EPHA7: variants seen among roughly 807,000 people sequenced by gnomAD.
EPHA7 encodes the protein ephrin type-A receptor 7.
A neutral mutation model predicts 112.6 loss-of-function variants in EPHA7; 25 were observed. The observed-to-expected ratio is 0.22, with a 90% confidence interval of 0.16 to 0.31. The LOEUF (loss-of-function observed/expected upper bound fraction) is 0.31. Among genes scored for constraint, EPHA7 ranks in the 10% least tolerant of loss-of-function variants. The probability of loss-of-function intolerance (pLI) is 1.00; values close to 1 mark genes in which losing one functional copy is unlikely to be tolerated. For missense variants in EPHA7, 962 were observed against 1,212.6 expected (o/e 0.79, Z 3.07); for synonymous variants, 437 against 406.5 (o/e 1.07, Z -0.90).
chr6:93,400,298 T>C (rs1778377143), intron 3 of EPHA7, among the ~76,000 whole-genome samples: 1 of 152,108 alleles, frequency 6.6e-6, no homozygotes, highest in Non-Finnish European at 1.5e-5. Context: ...CAAATAATGA[T>C]AGTAAACTAC....
intron 5 of EPHA7, among the ~76,000 whole-genome samples, chr6:93,308,431 G>T (rs1440749921): frequency 6.6e-6 from 1 of 151,910 alleles, no homozygotes; most frequent in Non-Finnish European, 1.5e-5. Context: ...AAAGCCATTA[G>T]GAATGATATC....
intron 5 of EPHA7, among the ~76,000 whole-genome samples, chr6:93,286,085 T>A: frequency 6.6e-6 from 1 of 152,198 alleles, no homozygotes; most frequent in East Asian, 1.9e-4. Flanking sequence ...AGTTACAGTC[T>A]GTTTGGCTTC....
intron 3 of EPHA7, among the ~76,000 whole-genome samples, chr6:93,378,407 G>A (rs1777166380): frequency 1.3e-5 from 2 of 152,156 alleles, no homozygotes; most frequent in African/African-American, 4.8e-5. Flanking sequence ...TAACGGGAGG[G>A]CTTCGGTGGT....
rs543974854 is a variant in EPHA7, at chr6:93,311,452, A to C, written c.1325-39030T>G. ...CTCAAGAAACCACTTTCTTTGCCCA[A>C]CCATAAGAAGCAGCTCCTCATCCAT... On this transcript the variant is annotated intron_variant, in intron 5 of 16. Coordinates refer to ENST00000369303, the MANE Select transcript of EPHA7 (RefSeq NM_004440.4). Among the ~76,000 whole-genome samples the C allele has an allele frequency of 5.9e-5, 9 of 152,216 alleles. No homozygotes were observed. In the South Asian group the frequency reaches 1.9e-3, roughly 32 times the overall value.
At chr6:93,354,928 A>T (rs1775868804) in intron 5 of EPHA7, among the ~76,000 whole-genome samples, 1 of 152,170 alleles carries the variant, frequency 6.6e-6, no homozygotes, top group Non-Finnish European at 1.5e-5. Context: ...TATTAGCAGG[A>T]ATAAAAGAAT....
At chr6:93,419,141 C>A in intron 1 of EPHA7, 104 bp downstream of exon 1, 1 of 921,558 alleles carries the variant, frequency 1.1e-6, no homozygotes. Flanking sequence ...GGAGGGTCGC[C>A]CGGCGCCGGA....
chr6:93,311,114 A>ATTTTTTTTTTTTTTTTTT lies in EPHA7; in HGVS notation c.1325-38710_1325-38693dup, dbSNP rs71542009. On this transcript the variant is annotated intron_variant, in intron 5 of 16. Transcript: ENST00000369303. ...ACAGGCATGTGCATCATGCCCAGCTATTTTTTTTTTTTTTTTTTTTTTTTT... is the reference window on the plus strand; with the variant it reads ...ACAGGCATGTGCATCATGCCCAGCTATTTTTTTTTTTTTTTTTTTTTTTTTTTTTTTTTTTTTTTTTTT... 5.9e-3 allele frequency among the ~76,000 whole-genome samples: 465 copies of ATTTTTTTTTTTTTTTTTT among 78,494 alleles called. 58 individuals carry two copies. The highest frequency in any genetic ancestry group is 0.012 in the African/African-American group (208 of 17,012). 51.5% of individuals were successfully genotyped at this position (78,494 alleles called of 152,430 possible).
chr6:93,257,935 A>C (rs1770511882), intron 11 of EPHA7, among the ~76,000 whole-genome samples, 164 bp downstream of exon 11: 1 of 151,836 alleles, frequency 6.6e-6, no homozygotes, highest in African/African-American at 2.4e-5. Flanking sequence ...TTTTCCCTTG[A>C]GGTGATAACA....
intron 5 of EPHA7, among the ~76,000 whole-genome samples, chr6:93,285,700 T>G (rs993599377): frequency 6.6e-6 from 1 of 152,174 alleles, no homozygotes; most frequent in African/African-American, 2.4e-5. Flanking sequence ...GACAGAAACT[T>G]TTGCTTGTTG....
intron 1 of EPHA7, among the ~76,000 whole-genome samples, chr6:93,416,947 T>C (rs1779264922): frequency 6.6e-6 from 1 of 152,266 alleles, no homozygotes; most frequent in African/African-American, 2.4e-5. Context: ...ATTACGCCTC[T>C]GCCAGACCTG....
chr6:93,391,526 G>A (rs1004102759), intron 3 of EPHA7, among the ~76,000 whole-genome samples: 3 of 151,968 alleles, frequency 2.0e-5, no homozygotes, highest in Non-Finnish European at 2.9e-5. Flanking sequence ...CCAAGGCAAG[G>A]AGCCTGAACA....
Position 93,258,079 on chromosome 6 carries a change from A to T in EPHA7, c.2110+20T>A. 6.3e-7 allele frequency: 1 copy of T among 1,593,398 alleles called. No individual in the cohort carries two copies. The highest frequency in any genetic ancestry group is 8.6e-7 in the Non-Finnish European group (1 of 1,166,076). ...GACACTCAGTCTTTTTGATAAAATA[A>T]AGATATAACCAATATCTACCTCTTG... On this transcript the variant is annotated intron_variant, in intron 11 of 16. Coordinates refer to ENST00000369303, the MANE Select transcript of EPHA7 (RefSeq NM_004440.4).
intron 5 of EPHA7, among the ~76,000 whole-genome samples, chr6:93,306,550 A>C (rs879107376): frequency 1.3e-5 from 2 of 152,028 alleles, no homozygotes; most frequent in African/African-American, 4.8e-5. Flanking sequence ...AAGCTAGGTC[A>C]TATTTCATGT....
chr6:93,276,074 C>T (rs769898969), intron 5 of EPHA7, among the ~76,000 whole-genome samples: 1 of 151,938 alleles, frequency 6.6e-6, no homozygotes, highest in Non-Finnish European at 1.5e-5. Flanking sequence ...AGTGACCCCA[C>T]GAAGATGTCT....
intron 3 of EPHA7, among the ~76,000 whole-genome samples, chr6:93,367,272 C>G (rs1776561900): frequency 6.6e-6 from 1 of 152,080 alleles, no homozygotes; most frequent in South Asian, 2.1e-4. Flanking sequence ...ACAGGAGGCA[C>G]AATTTTCAAT....
At chr6:93,391,219 G>A (rs575582553) in intron 3 of EPHA7, among the ~76,000 whole-genome samples, 141 of 151,896 alleles carry the variant, frequency 9.3e-4, no homozygotes, top group Non-Finnish European at 1.6e-3. Flanking sequence ...ATTCATGGAG[G>A]TTCTGAAAGA....
At chr6:93,340,623 A>G (rs2127919569) in intron 5 of EPHA7, among the ~76,000 whole-genome samples, 1 of 152,028 alleles carries the variant, frequency 6.6e-6, no homozygotes, top group South Asian at 2.1e-4. Flanking sequence ...CAAATAAGGG[A>G]CACTCAACCT....
At chr6:93,296,075 GTCT>G (rs1227687594) in intron 5 of EPHA7, among the ~76,000 whole-genome samples, 1 of 151,446 alleles carries the variant, frequency 6.6e-6, no homozygotes, top group Non-Finnish European at 1.5e-5. Flanking sequence ...ATATTTTGAG[GTCT>G]TCTTAATGCC....
chr6:93,385,797 A>G (rs1435340645), intron 3 of EPHA7, among the ~76,000 whole-genome samples: 1 of 152,194 alleles, frequency 6.6e-6, no homozygotes, highest in East Asian at 1.9e-4. Context: ...CAAGACTGAG[A>G]AATTTATAAA....
Sources: allele counts gnomAD v4.1 joint callset (sites outside exome capture counted in the v4.1 genomes callset), GRCh38; gene constraint gnomAD v4.1.1; transcripts MANE v1.5; gene names NCBI Gene and HGNC (gene_info 2026-07-23, HGNC 2026-07-21).